Variants in B4GALT7 observed in about 807,000 individuals in gnomAD.
B4GALT7 encodes the protein UDP-Gal:beta-GlcNAc beta-1,4-galactosyltransferase 7.
B4GALT7 carries 30 observed loss-of-function variants against 33.0 expected under a neutral mutation model. The observed-to-expected ratio is 0.91, with a 90% CI of 0.68 to 1.23. The LOEUF is 1.23. Ranked by LOEUF, B4GALT7 falls within the 50% of genes most tolerant of loss-of-function variation. The pLI, the probability that B4GALT7 is intolerant of heterozygous loss-of-function variation, is 0.00. For missense variants in B4GALT7, 507 were observed against 450.8 expected (o/e 1.12, Z -1.13); for synonymous variants, 213 against 187.2 (o/e 1.14, Z -1.13).
In B4GALT7 at chr5:177,604,278, G is replaced by C; in HGVS notation, c.150G>C (p.Gln50His). 2 of 1,612,992 alleles carry C rather than the reference G, an allele frequency of 1.2e-6. No individual in the cohort carries two copies. The highest frequency in any genetic ancestry group is 1.7e-6 in the Non-Finnish European group (2 of 1,179,582). The change falls in exon 2 of 6, where the codon CAG becomes CAC. Residue 50 changes from glutamine (Q) to histidine (H), a missense_variant. Transcript: ENST00000029410. ...GCTTCTTCTCCCTACTCTGGCTGCA[G>C]CTCAGCTGCTCTGGGGACGTGGCCC... ...SLGFFSLLWLQLSCSGDVARA... is the reference protein window; with the variant it reads ...SLGFFSLLWLHLSCSGDVARA...
chr5:177,604,729 C>T (rs1581993052), intron 2 of B4GALT7, among the ~76,000 whole-genome samples, 188 bp downstream of exon 2: 1 of 152,122 alleles, frequency 6.6e-6, no homozygotes, highest in Admixed American at 6.5e-5. Flanking sequence ...ACTGTGGCTG[C>T]CGTATGTGGA....
At position 177,606,407 on chromosome 5, in the gene B4GALT7, G is replaced by C. The variant is rs552160446; in HGVS notation, c.414-895G>C. The C allele has an allele frequency of 6.6e-6, 1 of 152,392 alleles. No individual in the cohort carries two copies. The highest frequency in any genetic ancestry group is 2.4e-5 in the African/African-American group (1 of 41,384). 9.4% of individuals were successfully genotyped at this position (152,392 alleles called of 1,614,324 possible). A position where few individuals can be genotyped will look rare whatever the true frequency, so the allele number is the denominator to read the frequency against. ...CATTGCTCAAGCCCAAAAGCCCGGG[G>C]GTCATCCTCAGCTGCTCCTTCTCTG... On this transcript the variant is annotated intron_variant, in intron 2 of 5. Coordinates refer to ENST00000029410, the MANE Select transcript of B4GALT7 (RefSeq NM_007255.3). This position sits in a 1 kb window ranked among gnomAD's most constrained non-coding sequence, Gnocchi z 4.2.
rs561234809 is a variant in B4GALT7, at chr5:177,604,757, A to G, written c.413+216A>G. 2.6e-5 allele frequency among the ~76,000 whole-genome samples: 4 copies of G among 152,288 alleles called. No homozygotes were observed. In the South Asian group the frequency reaches 8.3e-4, roughly 32 times the overall value. ...TATGTGGAATGGATTATACCAGGGC[A>G]AGAGGAGAAGCAGGGAGAGCAGTTA... On this transcript the variant is annotated intron_variant, in intron 2 of 5. Transcript: ENST00000029410.
At position 177,607,496 on chromosome 5, in the gene B4GALT7, T is replaced by C. The variant is rs1355526835; in HGVS notation, c.608T>C (p.Ile203Thr). The C allele has an allele frequency of 6.2e-7, 1 of 1,613,140 alleles. No homozygotes were observed. The highest frequency in any genetic ancestry group is 1.7e-5 in the Admixed American group (1 of 60,034). ...LYHYKTYVGG[I>T]LLLSKQHYRL... is the part of the protein sequence containing the mutation. ...CACTACAAGACCTATGTCGGCGGCA[T>C]CCTGCTGCTCTCCAAGCAGCACTAC... The change falls in exon 3 of 6, where the codon ATC (isoleucine) becomes ACC (threonine). Residue 203 changes from isoleucine (I) to threonine (T), a missense_variant. Coordinates refer to ENST00000029410, the MANE Select transcript of B4GALT7 (RefSeq NM_007255.3).
rs549237550 is a variant in B4GALT7, at chr5:177,608,040, C to T, written c.640-499C>T. ...CCTCAGCCAGTCACTGGCTGGTGGA[C>T]GGGCAGGCAGGAAGAAGCACTTGTG... On this transcript the variant is annotated intron_variant, in intron 3 of 5. Transcript: ENST00000029410. This position sits in a 1 kb window ranked among gnomAD's most constrained non-coding sequence, Gnocchi z 4.1. 23 of 229,056 alleles carry T rather than the reference C, an allele frequency of 1.0e-4. No individual in the cohort carries two copies. The highest frequency in any genetic ancestry group is 7.8e-4 in the Admixed American group (15 of 19,190). The allele number at this position is 229,056 out of a possible 1,614,324, so 14.2% of individuals were successfully genotyped here.
In B4GALT7 at chr5:177,602,289, C is replaced by T. The variant is rs779889223; in HGVS notation, c.51-1890C>T. On this transcript the variant is annotated intron_variant, in intron 1 of 5. Coordinates refer to ENST00000029410, the MANE Select transcript of B4GALT7 (RefSeq NM_007255.3). ...GCAAGGCTACTGGCTTCCAGGTTGG[C>T]GGTCTCTCTAGAAAAAGGGAGGAGT... Among the ~76,000 whole-genome samples, 9 of 152,096 alleles carry T rather than the reference C, an allele frequency of 5.9e-5. 1 individual carries two copies. The highest frequency in any genetic ancestry group is 1.3e-4 in the Admixed American group (2 of 15,262).
intron 2 of B4GALT7, chr5:177,605,093 C>T (rs1462415319): frequency 2.2e-6 from 1 of 454,650 alleles, no homozygotes; most frequent in Middle Eastern, 3.3e-4. Context: ...CCTGATCTTC[C>T]CACCTTTTCA....
In B4GALT7 at chr5:177,607,433, C is replaced by T; in HGVS notation, c.545C>T (p.Pro182Leu). The T allele has an allele frequency of 2.5e-6, 4 of 1,614,018 alleles. No individual in the cohort carries two copies. The highest frequency in any genetic ancestry group is 2.2e-5 in the East Asian group (1 of 44,876). Residue 182 changes from proline to leucine, a missense_variant, in exon 3 of 6, where the codon CCC (proline) becomes CTC (leucine). Coordinates refer to ENST00000029410, the MANE Select transcript of B4GALT7 (RefSeq NM_007255.3). ...GACTATGGCTTTCCTGAGGCTGGGCCCTTCCACGTGGCCTCCCCGGAGCTC... is the reference window on the plus strand; with the variant it reads ...GACTATGGCTTTCCTGAGGCTGGGCTCTTCCACGTGGCCTCCCCGGAGCTC... ...ELDYGFPEAG[P>L]FHVASPELHP...
At position 177,609,757 on chromosome 5, in the gene B4GALT7, CCTCAGGTCGTGGGCCCAGCT is replaced by C; in HGVS notation, c.*65_*84del. ...CATATTGCTCAGGCTCAGGACAAGGCCTCAGGTCGTGGGCCCAGCTCTGACAGGATGTGGAGTGGCCAGGA... is the reference window on the plus strand; with the variant it reads ...CATATTGCTCAGGCTCAGGACAAGGCCTGACAGGATGTGGAGTGGCCAGGA... On this transcript the variant is annotated 3_prime_UTR_variant, in exon 6 of 6. Transcript: ENST00000029410. 1 of 1,547,144 alleles carries C rather than the reference CCTCAGGTCGTGGGCCCAGCT, an allele frequency of 6.5e-7. No individual in the cohort carries two copies. Among genetic ancestry groups the C allele is most frequent in the Non-Finnish European group, 8.7e-7 (1 of 1,143,856 alleles).
At position 177,604,334 on chromosome 5, in the gene B4GALT7, C is replaced by T. The variant is rs754899566; in HGVS notation, c.206C>T (p.Ser69Leu). 7 of 1,610,418 alleles carry T rather than the reference C, an allele frequency of 4.3e-6. No individual in the cohort carries two copies. The highest frequency in any genetic ancestry group is 5.9e-6 in the Non-Finnish European group (7 of 1,178,510). ...GTCAGGGGACAAGGGCAGGAGACCT[C>T]GGGCCCTCCCCGTGCCTGCCCCCCA... Reference protein sequence around the residue: ...RAVRGQGQETSGPPRACPPEP... With the variant: ...RAVRGQGQETLGPPRACPPEP... The change falls in exon 2 of 6, where the codon TCG becomes TTG. Residue 69 changes from serine (S) to leucine (L), a missense_variant. By Grantham distance (145) the Ser-to-Leu change is moderately radical (BLOSUM62 -2). Coordinates refer to ENST00000029410, the MANE Select transcript of B4GALT7 (RefSeq NM_007255.3).
In B4GALT7 at chr5:177,604,468, C is replaced by A. The variant is rs753864389; in HGVS notation, c.340C>A (p.His114Asn). 6.2e-6 allele frequency: 10 copies of A among 1,614,028 alleles called. No homozygotes were observed. The highest frequency in any genetic ancestry group is 8.5e-6 in the Non-Finnish European group (10 of 1,179,956). ...RFEELLVFVP[H>N]MRRFLSRKKI... ...CGAGGAGCTCCTGGTCTTCGTGCCC[C>A]ACATGCGCCGCTTCCTGAGCAGGAA... Residue 114 changes from histidine to asparagine, a missense_variant, in exon 2 of 6, where the codon CAC becomes AAC. His to Asn is a moderately conservative substitution (Grantham distance 68). Coordinates refer to ENST00000029410, the MANE Select transcript of B4GALT7 (RefSeq NM_007255.3).
chr5:177,603,075 G>A (rs561243598), intron 1 of B4GALT7: 1 of 394,512 alleles, frequency 2.5e-6, no homozygotes, highest in South Asian at 1.0e-4. Context: ...TAGAGATGGG[G>A]TGTTACCATA....
At chr5:177,603,834 C>T (rs984868207) in intron 1 of B4GALT7, among the ~76,000 whole-genome samples, 1 of 152,082 alleles carries the variant, frequency 6.6e-6, no homozygotes, top group African/African-American at 2.4e-5. Flanking sequence ...GGGAGGAGCA[C>T]CTGCAAGTGA....
In B4GALT7 at chr5:177,604,283, G is replaced by C; in HGVS notation, c.155G>C (p.Ser52Thr). ...GFFSLLWLQL[S>T]CSGDVARAVR... ...TTCTCCCTACTCTGGCTGCAGCTCAGCTGCTCTGGGGACGTGGCCCGGGCA... is the reference window on the plus strand; with the variant it reads ...TTCTCCCTACTCTGGCTGCAGCTCACCTGCTCTGGGGACGTGGCCCGGGCA... The change falls in exon 2 of 6, where the codon AGC (serine) becomes ACC (threonine). Residue 52 changes from serine to threonine, a missense_variant. Physicochemically the swap from Ser to Thr is moderately conservative, Grantham distance 58. Transcript: ENST00000029410. The C allele has an allele frequency of 5.6e-6, 9 of 1,612,836 alleles. No homozygotes were observed. Among genetic ancestry groups the C allele is most frequent in the Non-Finnish European group, 7.6e-6 (9 of 1,179,506 alleles).
intron 1 of B4GALT7, chr5:177,603,929 C>T (rs1767904541): frequency 1.8e-6 from 1 of 559,406 alleles, no homozygotes; most frequent in Non-Finnish European, 3.2e-6. Flanking sequence ...GCCGGGGCAG[C>T]TCTGTGAACT....
chr5:177,604,624 AGGGGCAGG>A, intron 2 of B4GALT7, 83 bp downstream of exon 2: 1 of 1,576,286 alleles, frequency 6.3e-7, no homozygotes, highest in South Asian at 1.1e-5. Context: ...CACCTGGGGC[AGGGGCAGG>A]AGGGCGGGAG....
At position 177,609,830 on chromosome 5, in the gene B4GALT7, C is replaced by A; in HGVS notation, c.*135C>A. On this transcript the variant is annotated 3_prime_UTR_variant, in exon 6 of 6. Transcript: ENST00000029410. Reference sequence around the variant, plus strand: ...AAGACAGCAAGCTACGCAATTGCAGCCACCCGGCCGCCAAGGCAGGCTTGG... The same window carrying A: ...AAGACAGCAAGCTACGCAATTGCAGACACCCGGCCGCCAAGGCAGGCTTGG... The A allele has an allele frequency of 1.6e-6, 2 of 1,252,054 alleles. No homozygotes were observed. Among genetic ancestry groups the A allele is most frequent in the Non-Finnish European group, 2.2e-6 (2 of 897,120 alleles). The allele number at this position is 1,252,054 out of a possible 1,614,324, so 77.6% of individuals were successfully genotyped here.
chr5:177,604,261 T>C lies in B4GALT7; in HGVS notation c.133T>C (p.Ser45Pro), dbSNP rs780778092. 1.2e-6 allele frequency: 2 copies of C among 1,613,510 alleles called. No homozygotes were observed. Among genetic ancestry groups the C allele is most frequent in the East Asian group, 2.2e-5 (1 of 44,856 alleles). Reference sequence around the variant, plus strand: ...GGCCTGCCTCTCGCTGGGCTTCTTCTCCCTACTCTGGCTGCAGCTCAGCTG... The same window carrying C: ...GGCCTGCCTCTCGCTGGGCTTCTTCCCCCTACTCTGGCTGCAGCTCAGCTG... ...FVACLSLGFF[S>P]LLWLQLSCSG... is the part of the protein sequence containing the mutation. The change falls in exon 2 of 6, where the codon TCC becomes CCC. Residue 45 changes from serine to proline, a missense_variant. Coordinates refer to ENST00000029410, the MANE Select transcript of B4GALT7 (RefSeq NM_007255.3).
intron 1 of B4GALT7, chr5:177,603,195 A>T (rs1160711153): frequency 1.0e-6 from 1 of 985,202 alleles, no homozygotes; most frequent in African/African-American, 1.7e-5. Context: ...GATAGAATTT[A>T]TAAGACCTGA....
Sources: gnomAD v4.1 joint callset for allele counts (sites outside exome capture counted in the v4.1 genomes callset) on GRCh38, gnomAD v4.1.1 for gene constraint, Gnocchi (gnomAD v3.1) non-coding constraint, MANE v1.5 for transcripts, NCBI Gene and HGNC (gene_info 2026-07-23, HGNC 2026-07-21) for gene names.